The following NEK11 variants were observed in gnomAD, a reference collection of about 807,000 sequenced individuals.
The protein encoded by NEK11 is NIMA related kinase 11.
In NEK11, 72 loss-of-function variants were observed where a neutral mutation model predicts 80.7. That is an observed-to-expected ratio of 0.89 (90% confidence interval 0.74 to 1.08). The LOEUF (loss-of-function observed/expected upper bound fraction) is 1.08, where lower values mean the gene tolerates loss of function less well. NEK11 is among the 50% of genes least tolerant of loss of function. The probability of loss-of-function intolerance (pLI) is 0.00; values close to 1 mark genes in which losing one functional copy is unlikely to be tolerated. For missense variants in NEK11, 764 were observed against 763.6 expected (o/e 1.00, Z -0.01); for synonymous variants, 251 against 260.7 (o/e 0.96, Z 0.36).
chr3:131,052,134 G>GTTTTTTTTTTTTT (rs34528776), intron 3 of NEK11, among the ~76,000 whole-genome samples: 2 of 127,222 alleles, frequency 1.6e-5, no homozygotes, highest in African/African-American at 2.9e-5. Flanking sequence ...GGTTTTTTTT[G>GTTTTTTTTTTTTT]TTTTTTTTTT....
intron 14 of NEK11, 41 bp from the exon 15 acceptor site, chr3:131,228,487 T>G (rs772791013): frequency 2.7e-5 from 41 of 1,537,834 alleles, no homozygotes; most frequent in Non-Finnish European, 3.4e-5. Context: ...CATTATAATT[T>G]TAATAACTGG....
At chr3:131,128,623 T>C (rs1032939357) in intron 5 of NEK11, among the ~76,000 whole-genome samples, 4 of 152,248 alleles carry the variant, frequency 2.6e-5, no homozygotes, top group African/African-American at 9.6e-5. Flanking sequence ...AACACCATTG[T>C]GCAGGTTTTT....
At chr3:131,326,032 T>A (rs2096961775) in intron 17 of NEK11, 1 of 152,208 alleles carries the variant, frequency 6.6e-6, no homozygotes, top group African/African-American at 2.4e-5. Flanking sequence ...TATGATAAAG[T>A]TGGAATTGTC....
At chr3:131,063,495 A>G (rs2071304651) in intron 3 of NEK11, among the ~76,000 whole-genome samples, 1 of 152,212 alleles carries the variant, frequency 6.6e-6, no homozygotes, top group Non-Finnish European at 1.5e-5. Flanking sequence ...GATGTAGTAG[A>G]AAGGAAGGGG....
chr3:131,221,847 A>C (rs915115692), intron 14 of NEK11, among the ~76,000 whole-genome samples: 16 of 152,276 alleles, frequency 1.1e-4, no homozygotes, highest in Middle Eastern at 3.4e-3. Context: ...TGGCATAGTT[A>C]GAAATGCAGA....
At chr3:131,291,503 C>CAAAAT (rs1367817188) in intron 17 of NEK11, among the ~76,000 whole-genome samples, 3 of 152,078 alleles carry the variant, frequency 2.0e-5, no homozygotes, top group Non-Finnish European at 2.9e-5. Context: ...AAACAAAAAA[C>CAAAAT]AAAATAAAAC....
chr3:131,184,930 A>T (rs1458851259), intron 14 of NEK11, among the ~76,000 whole-genome samples: 1 of 152,164 alleles, frequency 6.6e-6, no homozygotes, highest in Non-Finnish European at 1.5e-5. Context: ...AATTTAATAG[A>T]AATGGCCAGC....
At chr3:131,317,163 C>G (rs2096849129) in intron 17 of NEK11, among the ~76,000 whole-genome samples, 1 of 152,190 alleles carries the variant, frequency 6.6e-6, no homozygotes, top group Admixed American at 6.5e-5. Context: ...AGGACTGAAG[C>G]TAAGGCAAGC....
At chr3:131,183,764 A>G (rs1184420094) in intron 14 of NEK11, among the ~76,000 whole-genome samples, 1 of 152,208 alleles carries the variant, frequency 6.6e-6, no homozygotes, top group Non-Finnish European at 1.5e-5. Context: ...ATGTATCTTT[A>G]TAACAGAATG....
chr3:131,279,227 G>A (rs1025083811), intron 17 of NEK11, among the ~76,000 whole-genome samples: 4 of 151,978 alleles, frequency 2.6e-5, no homozygotes, highest in South Asian at 2.1e-4. Context: ...GCACACGTCT[G>A]TAATCCCAGC....
intron 17 of NEK11, among the ~76,000 whole-genome samples, chr3:131,331,751 A>C (rs953037986): frequency 7.2e-5 from 11 of 152,056 alleles, no homozygotes; most frequent in Non-Finnish European, 7.4e-5. Context: ...AAATCGGGTC[A>C]CTCCCACCCT....
At chr3:131,108,792 T>C (rs1357736935) in intron 4 of NEK11, among the ~76,000 whole-genome samples, 1 of 152,046 alleles carries the variant, frequency 6.6e-6, no homozygotes, top group Non-Finnish European at 1.5e-5. Context: ...TCCACAGTTA[T>C]TATATTCCTT....
At chr3:131,323,084 G>T (rs748155) in intron 17 of NEK11, among the ~76,000 whole-genome samples, 19,714 of 152,120 alleles carry the variant, frequency 0.13, 1,908 homozygotes, top group East Asian at 0.3. Context: ...AAGAAAGCTT[G>T]GCAGAATAAG....
intron 14 of NEK11, among the ~76,000 whole-genome samples, chr3:131,211,416 C>G (rs1167443553): frequency 6.6e-6 from 1 of 152,098 alleles, no homozygotes; most frequent in African/African-American, 2.4e-5. Flanking sequence ...TCCTTCATTT[C>G]AACTTTGGTG....
At position 131,297,478 on chromosome 3, in the gene NEK11, T is replaced by C. The variant is rs1266372691; in HGVS notation, c.1718+23904T>C. Among the ~76,000 whole-genome samples the C allele has an allele frequency of 3.4e-4, 52 of 152,292 alleles. 1 individual carries two copies. The highest frequency in any genetic ancestry group is 3.3e-3 in the Admixed American group (50 of 15,302). Reference sequence around the variant, plus strand: ...ATGTCTTCTTTTGAGAAGTGTCTGTTCATGTCCTTCACCCACTTTTTGATG... The same window carrying C: ...ATGTCTTCTTTTGAGAAGTGTCTGTCCATGTCCTTCACCCACTTTTTGATG... On this transcript the variant is annotated intron_variant, in intron 17 of 17. Transcript: ENST00000383366.
intron 15 of NEK11, among the ~76,000 whole-genome samples, chr3:131,237,869 A>G (rs2095457505): frequency 6.6e-6 from 1 of 152,116 alleles, no homozygotes; most frequent in Non-Finnish European, 1.5e-5. Flanking sequence ...TTTGACCACT[A>G]CTTACTACCT....
At chr3:131,340,279 A>C (rs999523935) in intron 17 of NEK11, among the ~76,000 whole-genome samples, 1 of 152,206 alleles carries the variant, frequency 6.6e-6, no homozygotes, top group Non-Finnish European at 1.5e-5. Flanking sequence ...ATAGTTCTTT[A>C]TACTATTCCT....
intron 3 of NEK11, among the ~76,000 whole-genome samples, chr3:131,056,728 G>A (rs2069574098): frequency 6.6e-6 from 1 of 152,100 alleles, no homozygotes; most frequent in Non-Finnish European, 1.5e-5. Flanking sequence ...AACTTGCTCT[G>A]TGCATCCTGA....
chr3:131,299,244 T>C (rs987867488), intron 17 of NEK11, among the ~76,000 whole-genome samples: 1 of 152,216 alleles, frequency 6.6e-6, no homozygotes, highest in Non-Finnish European at 1.5e-5. Context: ...AGCCTCACTC[T>C]ATCACCCAGG....
Sources: allele counts gnomAD v4.1 joint callset (sites outside exome capture counted in the v4.1 genomes callset), GRCh38; gene constraint gnomAD v4.1.1; transcripts MANE v1.5; gene names NCBI Gene and HGNC (gene_info 2026-07-23, HGNC 2026-07-21).